Variants in PITPNC1 observed in about 807,000 individuals in gnomAD.
PITPNC1 encodes the protein phosphatidylinositol transfer protein cytoplasmic 1.
PITPNC1 carries 18 observed loss-of-function variants against 44.7 expected under a neutral mutation model. That is an observed-to-expected ratio of 0.40 (90% CI 0.28 to 0.60). The LOEUF (loss-of-function observed/expected upper bound fraction) is 0.60. Ranked by LOEUF, PITPNC1 falls within the 20% of genes least tolerant of loss-of-function variation. The pLI is 0.39. For synonymous variants in PITPNC1, 141 were observed against 149.6 expected (o/e 0.94, Z 0.42); for missense variants, 290 against 418.4 (o/e 0.69, Z 2.68).
At chr17:67,391,149 GA>G (rs149435122) in intron 1 of PITPNC1, among the ~76,000 whole-genome samples, 2 of 149,946 alleles carry the variant, frequency 1.3e-5, no homozygotes, top group Admixed American at 6.7e-5. Flanking sequence ...CCTGAGCAAA[GA>G]AAAAAAAATC....
At chr17:67,533,062 ACGTCCAC>A (rs543515401) in intron 2 of PITPNC1, 112 bp downstream of exon 2, 5 of 766,338 alleles carry the variant, frequency 6.5e-6, no homozygotes, top group Non-Finnish European at 1.1e-5. Flanking sequence ...GAAAGTAACT[ACGTCCAC>A]CGTCTACGAC....
intron 1 of PITPNC1, among the ~76,000 whole-genome samples, chr17:67,461,864 A>C (rs1016957609): frequency 6.6e-6 from 1 of 152,164 alleles, no homozygotes; most frequent in Non-Finnish European, 1.5e-5. Flanking sequence ...TAGATCATTT[A>C]ATCTAGAGTT....
At chr17:67,419,981 C>G (rs1263016795) in intron 1 of PITPNC1, among the ~76,000 whole-genome samples, 3 of 152,012 alleles carry the variant, frequency 2.0e-5, no homozygotes, top group Non-Finnish European at 2.9e-5. Flanking sequence ...CCACATCTGT[C>G]TATCCATCCG....
rs116429488 is a variant in PITPNC1 at position 67,535,747 on chromosome 17, A to T, written c.197+2797A>T. Among the ~76,000 whole-genome samples, 1,464 of 152,324 alleles carry T rather than the reference A, an allele frequency of 9.6e-3. 16 individuals carry two copies. Among genetic ancestry groups the T allele is most frequent in the African/African-American group, 0.033 (1,378 of 41,552 alleles). ...GCTGAGCTCAAAACAAAGAAAGGGA[A>T]ATCCTCCGAGGCTAGAAATAAACAG... On this transcript the variant is annotated intron_variant, in intron 2 of 8. Transcript: ENST00000581322.
intron 1 of PITPNC1, among the ~76,000 whole-genome samples, chr17:67,425,199 A>ACACGCACG (rs199550886): frequency 4.8e-5 from 3 of 62,602 alleles, no homozygotes; most frequent in Non-Finnish European, 9.7e-5. Context: ...GCGCGCACGC[A>ACACGCACG]CACGCACACA....
chr17:67,509,559 A>AAAAT (rs569903843), intron 1 of PITPNC1, among the ~76,000 whole-genome samples: 18,973 of 146,180 alleles, frequency 0.13, 1,338 homozygotes, highest in African/African-American at 0.17. Flanking sequence ...AATTGAATTA[A>AAAAT]AAATAAATAA....
intron 1 of PITPNC1, among the ~76,000 whole-genome samples, chr17:67,418,282 T>C (rs1047983621): frequency 1.3e-5 from 2 of 152,310 alleles, no homozygotes; most frequent in Middle Eastern, 3.4e-3. Flanking sequence ...TTGGTCTGCT[T>C]ATGGCAGTGC....
At chr17:67,379,180 C>T (rs1455873543) in intron 1 of PITPNC1, 40 of 985,612 alleles carry the variant, frequency 4.1e-5, no homozygotes, top group Non-Finnish European at 4.6e-5. Flanking sequence ...ACGTGAAACT[C>T]ACTAGTGTGG....
chr17:67,631,657 A>AAAAAAT (rs1555574522), intron 5 of PITPNC1, among the ~76,000 whole-genome samples: 6 of 7,682 alleles, frequency 7.8e-4, no homozygotes, highest in African/African-American at 1.5e-3. Context: ...AAAAAAAAAA[A>AAAAAAT]ATATATATAT....
At position 67,534,509 on chromosome 17, in the gene PITPNC1, G is replaced by A. The variant is rs184257970; in HGVS notation, c.197+1559G>A. On this transcript the variant is annotated intron_variant, in intron 2 of 8. Transcript: ENST00000581322. The stretch of plus-strand genomic sequence containing the variant: ...AAAAATTAGCTGGGCATGGTGGTGC[G>A]CACCTACAGCCCCAGCTACTTGGAA... Among the ~76,000 whole-genome samples the A allele has an allele frequency of 5.3e-4, 80 of 151,918 alleles. No individual in the cohort carries two copies. The East Asian group carries it at 0.015, about 28-fold the overall frequency.
intron 1 of PITPNC1, among the ~76,000 whole-genome samples, chr17:67,523,969 G>A (rs1004140743): frequency 3.7e-4 from 56 of 151,926 alleles, no homozygotes; most frequent in African/African-American, 1.3e-3. Flanking sequence ...CTGCCACCAC[G>A]CCCGGCTAAT....
At chr17:67,605,094 A>G (rs143427551) in intron 5 of PITPNC1, among the ~76,000 whole-genome samples, 18 of 152,304 alleles carry the variant, frequency 1.2e-4, no homozygotes, top group African/African-American at 4.3e-4. Context: ...AAAATAAAAT[A>G]AAACAAAACA....
intron 1 of PITPNC1, among the ~76,000 whole-genome samples, chr17:67,400,960 C>T (rs1024052968): frequency 2.8e-4 from 43 of 151,688 alleles, no homozygotes; most frequent in African/African-American, 8.7e-4. Context: ...CTCACTCTGT[C>T]ATGTCACCCA....
At chr17:67,567,995 G>A (rs965937442) in intron 4 of PITPNC1, among the ~76,000 whole-genome samples, 1 of 152,040 alleles carries the variant, frequency 6.6e-6, no homozygotes, top group Non-Finnish European at 1.5e-5. Flanking sequence ...GAAAGGAGAA[G>A]AGAAGAGAAA....
chr17:67,440,589 T>C (rs2143920101), intron 1 of PITPNC1, among the ~76,000 whole-genome samples: 1 of 151,840 alleles, frequency 6.6e-6, no homozygotes, highest in Non-Finnish European at 1.5e-5. Context: ...TGGAGTGCAG[T>C]GGTGCCATCA....
chr17:67,663,066 T>C (rs922097821), intron 6 of PITPNC1, among the ~76,000 whole-genome samples: 1 of 152,184 alleles, frequency 6.6e-6, no homozygotes, highest in Non-Finnish European at 1.5e-5. Flanking sequence ...GGTTGCTGGG[T>C]TGAATGGTAG....
intron 5 of PITPNC1, among the ~76,000 whole-genome samples, chr17:67,591,837 G>A (rs1009256784): frequency 1.3e-5 from 2 of 151,674 alleles, no homozygotes; most frequent in African/African-American, 2.4e-5. Context: ...AGCCTTCTTA[G>A]TAGCTGGGAC....
At chr17:67,624,321 C>G (rs111292284) in intron 5 of PITPNC1, among the ~76,000 whole-genome samples, 6,461 of 150,074 alleles carry the variant, frequency 0.043, 432 homozygotes, top group African/African-American at 0.14. Context: ...AAGCAGTCCT[C>G]CCACCTCAGC....
intron 1 of PITPNC1, among the ~76,000 whole-genome samples, chr17:67,437,438 G>A (rs1214269759): frequency 1.3e-5 from 2 of 152,116 alleles, no homozygotes; most frequent in Non-Finnish European, 2.9e-5. Context: ...AGCTGGAAGA[G>A]GCAAGGACAG....
Sources: allele counts gnomAD v4.1 joint callset (sites outside exome capture counted in the v4.1 genomes callset), GRCh38; gene constraint gnomAD v4.1.1; transcripts MANE v1.5; gene names NCBI Gene and HGNC (gene_info 2026-07-23, HGNC 2026-07-21).